TMEM108: variants seen among roughly 807,000 people sequenced by gnomAD.
The protein encoded by TMEM108 is cancer/testis antigen 124.
A neutral mutation model predicts 35.1 loss-of-function variants in TMEM108; 12 were observed. The ratio of observed to expected loss-of-function variants is 0.34; its 90% CI spans 0.22 to 0.55. TMEM108 has a LOEUF of 0.55. Ranked by LOEUF, TMEM108 falls within the 20% of genes least tolerant of loss-of-function variation. The probability of loss-of-function intolerance (pLI) is 0.89; values close to 1 mark genes in which losing one functional copy is unlikely to be tolerated. For synonymous variants in TMEM108, 287 were observed against 308.6 expected (o/e 0.93, Z 0.73); for missense variants, 680 against 753.3 (o/e 0.90, Z 1.14).
intron 3 of TMEM108, among the ~76,000 whole-genome samples, chr3:133,293,228 A>G (rs980011137): frequency 1.3e-5 from 2 of 151,908 alleles, no homozygotes; most frequent in African/African-American, 4.8e-5. Flanking sequence ...TTTCTTCAAC[A>G]CTGAGTCCAC....
intron 2 of TMEM108, among the ~76,000 whole-genome samples, chr3:133,108,477 TC>T (rs925248358): frequency 6.6e-6 from 1 of 152,174 alleles, no homozygotes; most frequent in Admixed American, 6.5e-5. Flanking sequence ...TTTGTTTTTT[TC>T]TTGTAAATTT....
At chr3:133,221,303 T>A (rs1315240609) in intron 2 of TMEM108, among the ~76,000 whole-genome samples, 1 of 151,780 alleles carries the variant, frequency 6.6e-6, no homozygotes, top group Non-Finnish European at 1.5e-5. Flanking sequence ...GAAAAAAAGA[T>A]GCTCCTATCA....
At chr3:133,044,922 TA>T (rs1943316717) in intron 1 of TMEM108, among the ~76,000 whole-genome samples, 1 of 151,890 alleles carries the variant, frequency 6.6e-6, no homozygotes, top group Admixed American at 6.6e-5. Context: ...ACACAGTACA[TA>T]GTGAGACCCT....
chr3:133,101,293 T>C (rs1024887838), intron 2 of TMEM108, among the ~76,000 whole-genome samples: 3 of 152,252 alleles, frequency 2.0e-5, no homozygotes, highest in Non-Finnish European at 4.4e-5. Flanking sequence ...CGTTTTACTC[T>C]ACAAATGATG....
At chr3:133,244,204 T>C (rs781252709) in intron 3 of TMEM108, among the ~76,000 whole-genome samples, 70 of 152,224 alleles carry the variant, frequency 4.6e-4, no homozygotes, top group Non-Finnish European at 7.6e-4. Flanking sequence ...GTTTAATATA[T>C]ACAAAGCATT....
At chr3:133,219,342 G>A (rs543854639) in intron 2 of TMEM108, among the ~76,000 whole-genome samples, 1 of 151,834 alleles carries the variant, frequency 6.6e-6, no homozygotes. Context: ...TGGTCTCTCT[G>A]TCATTTATTT....
rs193294236 is a variant in TMEM108, at chr3:133,142,095, C to T, written c.-46-87171C>T. 5.5e-4 allele frequency among the ~76,000 whole-genome samples: 84 copies of T among 152,254 alleles called. 1 individual carries two copies. The highest frequency in any genetic ancestry group is 1.6e-3 in the Admixed American group (24 of 15,274). On this transcript the variant is annotated intron_variant, in intron 2 of 5. Coordinates refer to ENST00000321871, the MANE Select transcript of TMEM108 (RefSeq NM_023943.4). ...CATGACAACCAAAAATGTCTCCAGA[C>T]ATTGTCATATATATTCTGGGGGGCA...
rs143529391 is a variant in TMEM108, at chr3:133,116,382, T to C, written c.-47+70362T>C. Among the ~76,000 whole-genome samples the C allele has an allele frequency of 2.0e-5, 3 of 152,258 alleles. No individual in the cohort carries two copies. In the East Asian group the frequency reaches 5.8e-4, roughly 29 times the overall value. On this transcript the variant is annotated intron_variant, in intron 2 of 5. Transcript: ENST00000321871. ...AACTAGATCCTGTTTAGATATGTTA[T>C]AACAACTTAGTATGAGTTTATTTTG...
intron 2 of TMEM108, among the ~76,000 whole-genome samples, chr3:133,117,691 G>GT (rs1944304140): frequency 6.6e-6 from 1 of 152,198 alleles, no homozygotes. Flanking sequence ...TAAATACAAA[G>GT]TAAGAAGACA....
At chr3:133,225,940 G>T (rs1236273207) in intron 2 of TMEM108, among the ~76,000 whole-genome samples, 2 of 152,222 alleles carry the variant, frequency 1.3e-5, no homozygotes, top group African/African-American at 4.8e-5. Context: ...GTCTCAGGAG[G>T]TCCTTAGAAC....
At chr3:133,098,630 G>T (rs1422516043) in intron 2 of TMEM108, among the ~76,000 whole-genome samples, 1 of 152,120 alleles carries the variant, frequency 6.6e-6, no homozygotes, top group Non-Finnish European at 1.5e-5. Context: ...AGATACAATG[G>T]GGGTACAGGT....
chr3:133,266,089 T>C (rs1345397626), intron 3 of TMEM108, among the ~76,000 whole-genome samples: 1 of 151,834 alleles, frequency 6.6e-6, no homozygotes, highest in African/African-American at 2.4e-5. Flanking sequence ...CCAAGAAAGC[T>C]CTTAAAAAAT....
At chr3:133,123,702 GA>G (rs1435887928) in intron 2 of TMEM108, among the ~76,000 whole-genome samples, 1 of 152,176 alleles carries the variant, frequency 6.6e-6, no homozygotes, top group Non-Finnish European at 1.5e-5. Flanking sequence ...CCTCTTTTTA[GA>G]AGAAATTCAA....
At chr3:133,181,107 A>T (rs1414609834) in intron 2 of TMEM108, among the ~76,000 whole-genome samples, 1 of 149,756 alleles carries the variant, frequency 6.7e-6, no homozygotes, top group East Asian at 2.0e-4. Flanking sequence ...TTGTCTTTCG[A>T]TAAAGATAAT....
At chr3:133,238,470 A>G (rs1473178545) in intron 3 of TMEM108, among the ~76,000 whole-genome samples, 3 of 152,232 alleles carry the variant, frequency 2.0e-5, no homozygotes, top group Non-Finnish European at 4.4e-5. Flanking sequence ...ATCTTACAAT[A>G]TGGAAACACA....
Position 133,038,613 on chromosome 3 carries a change from C to T in TMEM108, c.-166+178C>T, listed in dbSNP as rs543410561. On this transcript the variant is annotated intron_variant, in intron 1 of 5. Coordinates refer to ENST00000321871, the MANE Select transcript of TMEM108 (RefSeq NM_023943.4). ...TCCCTTTTCCTATCCTCTCAGGCAC[C>T]TTCCCATCCTCCCCACTGCGTGACG... Among the ~76,000 whole-genome samples, 12 of 152,326 alleles carry T rather than the reference C, an allele frequency of 7.9e-5. No homozygotes were observed. The East Asian group carries it at 2.3e-3, about 29-fold the overall frequency.
intron 3 of TMEM108, among the ~76,000 whole-genome samples, chr3:133,286,305 A>G (rs1046307058): frequency 8.5e-5 from 13 of 152,194 alleles, no homozygotes; most frequent in Non-Finnish European, 1.2e-4. Context: ...ATCTGTGGTC[A>G]TCTCTAATTT....
chr3:133,107,837 A>G (rs561903689), intron 2 of TMEM108, among the ~76,000 whole-genome samples: 2 of 152,314 alleles, frequency 1.3e-5, no homozygotes, highest in East Asian at 3.9e-4. Context: ...TTTCCTTTTA[A>G]GTAGATTTCC....
At chr3:133,109,894 G>A (rs538490242) in intron 2 of TMEM108, among the ~76,000 whole-genome samples, 1 of 152,248 alleles carries the variant, frequency 6.6e-6, no homozygotes, top group South Asian at 2.1e-4. Context: ...TAGTTTTGGT[G>A]CAACATTAGT....
Sources: gnomAD v4.1 joint callset for allele counts (sites outside exome capture counted in the v4.1 genomes callset) on GRCh38, gnomAD v4.1.1 for gene constraint, MANE v1.5 for transcripts, NCBI Gene and HGNC (gene_info 2026-07-23, HGNC 2026-07-21) for gene names.